The following KLHL1 variants were observed in gnomAD, a reference collection of about 807,000 sequenced individuals.
KLHL1 encodes the protein kelch like family member 1, also known as kelch-like protein 1.
Under a neutral mutation model 77.7 loss-of-function variants are expected in KLHL1, and 47 were observed. That is an observed-to-expected ratio of 0.60 (90% CI 0.48 to 0.77). The LOEUF is 0.77. Among genes scored for constraint, KLHL1 ranks in the 30% least tolerant of loss-of-function variants. The pLI is 0.00. For missense variants in KLHL1, 925 were observed against 910.8 expected (o/e 1.02, Z -0.20); for synonymous variants, 360 against 325.2 (o/e 1.11, Z -1.15).
chr13:69,904,033 AAAAT>A (rs1281250478), intron 4 of KLHL1, among the ~76,000 whole-genome samples: 2 of 152,050 alleles, frequency 1.3e-5, no homozygotes, highest in African/African-American at 4.8e-5. Context: ...AATGATCAGT[AAAAT>A]AAATTTAACC....
intron 6 of KLHL1, among the ~76,000 whole-genome samples, chr13:69,822,114 G>A (rs949685007): frequency 2.0e-5 from 3 of 150,004 alleles, no homozygotes; most frequent in Non-Finnish European, 4.4e-5. Flanking sequence ...CAGGAGAATC[G>A]CTTGAACCCT....
chr13:69,799,823 C>T (rs1385290725), intron 6 of KLHL1, among the ~76,000 whole-genome samples: 1 of 152,104 alleles, frequency 6.6e-6, no homozygotes, highest in African/African-American at 2.4e-5. Flanking sequence ...AGTAATGGTC[C>T]GTGGTCTGTT....
chr13:69,828,485 C>G (rs1489839847), intron 6 of KLHL1, among the ~76,000 whole-genome samples: 1 of 150,096 alleles, frequency 6.7e-6, no homozygotes, highest in Non-Finnish European at 1.5e-5. Flanking sequence ...AGAAGGAAAC[C>G]TCCAGTTGAA....
intron 6 of KLHL1, among the ~76,000 whole-genome samples, chr13:69,825,555 T>C (rs1156756725): frequency 6.6e-6 from 1 of 152,190 alleles, no homozygotes; most frequent in Non-Finnish European, 1.5e-5. Context: ...TGTATTTTAA[T>C]GATCATGCTA....
At chr13:70,030,968 C>A (rs1886082857) in intron 1 of KLHL1, among the ~76,000 whole-genome samples, 1 of 152,170 alleles carries the variant, frequency 6.6e-6, no homozygotes. Flanking sequence ...ATAAACACTT[C>A]TATGCAAATA....
intron 6 of KLHL1, among the ~76,000 whole-genome samples, chr13:69,816,401 C>T (rs1042425916): frequency 1.3e-5 from 2 of 151,620 alleles, no homozygotes; most frequent in Admixed American, 6.6e-5. Flanking sequence ...GCTGAGATTA[C>T]AGGCATGTGC....
chr13:69,849,195 T>A (rs575020652), intron 5 of KLHL1, among the ~76,000 whole-genome samples: 1 of 151,652 alleles, frequency 6.6e-6, no homozygotes, highest in Non-Finnish European at 1.5e-5. Context: ...ACCACTAATC[T>A]ATTTTACTCA....
intron 2 of KLHL1, among the ~76,000 whole-genome samples, chr13:69,972,059 G>A (rs906353266): frequency 1.4e-4 from 21 of 151,860 alleles, no homozygotes; most frequent in African/African-American, 5.1e-4. Context: ...AGATTTAGGT[G>A]GATGGATGAT....
chr13:70,091,742 A>T (rs2137442751), intron 1 of KLHL1, among the ~76,000 whole-genome samples: 2 of 152,278 alleles, frequency 1.3e-5, no homozygotes, highest in African/African-American at 4.8e-5. Flanking sequence ...GCTGGATTTG[A>T]AATAATGGCT....
intron 1 of KLHL1, among the ~76,000 whole-genome samples, chr13:70,025,524 G>A (rs994237011): frequency 5.9e-5 from 9 of 151,634 alleles, no homozygotes; most frequent in African/African-American, 2.2e-4. Flanking sequence ...TAGGCTCTAG[G>A]GTAATTGATT....
At chr13:69,781,631 T>C (rs1471260310) in intron 7 of KLHL1, among the ~76,000 whole-genome samples, 4 of 152,150 alleles carry the variant, frequency 2.6e-5, no homozygotes, top group Non-Finnish European at 5.9e-5. Flanking sequence ...TTTCCCTCAG[T>C]ATGGGAGATA....
At chr13:69,836,854 C>G (rs1879011143) in intron 6 of KLHL1, among the ~76,000 whole-genome samples, 1 of 149,804 alleles carries the variant, frequency 6.7e-6, no homozygotes. Flanking sequence ...CAAGAAACTG[C>G]AAAAAAAATG....
intron 5 of KLHL1, among the ~76,000 whole-genome samples, chr13:69,840,565 C>T (rs1448703209): frequency 1.3e-5 from 2 of 151,782 alleles, no homozygotes; most frequent in Non-Finnish European, 2.9e-5. Context: ...ATATTAGTTA[C>T]TAGATGCTTT....
intron 1 of KLHL1, among the ~76,000 whole-genome samples, chr13:70,037,187 A>T (rs1886260976): frequency 6.6e-6 from 1 of 152,022 alleles, no homozygotes; most frequent in Non-Finnish European, 1.5e-5. Flanking sequence ...CTTTTTAGGA[A>T]TATTTTCCTT....
At chr13:70,073,992 A>G (rs1435586244) in intron 1 of KLHL1, among the ~76,000 whole-genome samples, 1 of 151,724 alleles carries the variant, frequency 6.6e-6, no homozygotes. Context: ...CACCCGGCTA[A>G]TTTTTGTATT....
chr13:70,036,148 C>T (rs1383357689), intron 1 of KLHL1, among the ~76,000 whole-genome samples: 2 of 151,842 alleles, frequency 1.3e-5, no homozygotes, highest in Non-Finnish European at 2.9e-5. Flanking sequence ...AAATGACACA[C>T]TGAATTGACT....
At chr13:69,701,917 T>C (rs1337787222) in intron 10 of KLHL1, among the ~76,000 whole-genome samples, 156 bp from the exon 11 acceptor site, 3 of 151,742 alleles carry the variant, frequency 2.0e-5, no homozygotes, top group African/African-American at 4.8e-5. Context: ...ACACTGAAAA[T>C]GGCATTTTAA....
intron 1 of KLHL1, among the ~76,000 whole-genome samples, chr13:70,015,524 G>A (rs534102850): frequency 3.5e-4 from 53 of 152,252 alleles, no homozygotes; most frequent in African/African-American, 1.2e-3. Context: ...CAGTGCAAAA[G>A]CAATGCATAT....
intron 3 of KLHL1, 86 bp downstream of exon 3, chr13:69,961,222 T>A (rs960912370): frequency 1.4e-4 from 188 of 1,302,084 alleles, no homozygotes; most frequent in African/African-American, 5.2e-4. Context: ...AGAATTTTTT[T>A]TAAAAAAGCG....
Sources: gnomAD v4.1 joint callset for allele counts (sites outside exome capture counted in the v4.1 genomes callset) on GRCh38, gnomAD v4.1.1 for gene constraint, MANE v1.5 for transcripts, NCBI Gene and HGNC (gene_info 2026-07-23, HGNC 2026-07-21) for gene names.